The following LYPLA1 variants were observed in gnomAD, a reference collection of about 807,000 sequenced individuals.
LYPLA1 encodes acyl-protein thioesterase 1.
Under a neutral mutation model 34.0 loss-of-function variants are expected in LYPLA1, and 17 were observed. The observed-to-expected ratio is 0.50, with a 90% CI of 0.34 to 0.75. The LOEUF is 0.75. Among genes scored for constraint, LYPLA1 ranks in the 30% least tolerant of loss-of-function variants. LYPLA1 has a pLI of 0.01. For synonymous variants in LYPLA1, 98 were observed against 100.8 expected (o/e 0.97, Z 0.17); for missense variants, 203 against 288.8 (o/e 0.70, Z 2.15).
intron 2 of LYPLA1, chr8:54,100,118 A>G (rs1045479246): frequency 1.3e-5 from 2 of 152,326 alleles, no homozygotes; most frequent in Admixed American, 6.5e-5. Flanking sequence ...GATTATCACC[A>G]ATTTAAATAT....
At chr8:54,099,669 C>G (rs1336081922) in intron 2 of LYPLA1, among the ~76,000 whole-genome samples, 1 of 151,870 alleles carries the variant, frequency 6.6e-6, no homozygotes, top group Non-Finnish European at 1.5e-5. Context: ...TCCAAACAAA[C>G]AAACAAAAAT....
chr8:54,098,318 G>C (rs1296797026), intron 2 of LYPLA1, among the ~76,000 whole-genome samples: 1 of 152,100 alleles, frequency 6.6e-6, no homozygotes, highest in East Asian at 1.9e-4. Flanking sequence ...GCATGGATAC[G>C]CTAGGTAAAG....
intron 2 of LYPLA1, among the ~76,000 whole-genome samples, chr8:54,089,206 T>A (rs1356209660): frequency 6.6e-6 from 1 of 152,248 alleles, no homozygotes; most frequent in South Asian, 2.1e-4. Flanking sequence ...GTTTTTGGTA[T>A]GTGAATTATA....
chr8:54,080,397 C>T (rs1464053905), intron 2 of LYPLA1, among the ~76,000 whole-genome samples: 1 of 152,068 alleles, frequency 6.6e-6, no homozygotes, highest in Admixed American at 6.6e-5. Flanking sequence ...TTATTAGAGT[C>T]CAAAATAAAA....
intron 2 of LYPLA1, among the ~76,000 whole-genome samples, chr8:54,087,456 C>T (rs371008152): frequency 4.6e-5 from 7 of 152,172 alleles, no homozygotes; most frequent in South Asian, 2.1e-4. Context: ...GCCGAGATCA[C>T]GCCACTATAT....
intron 5 of LYPLA1, among the ~76,000 whole-genome samples, chr8:54,058,632 C>G (rs1254944420): frequency 6.6e-6 from 1 of 152,080 alleles, no homozygotes; most frequent in Non-Finnish European, 1.5e-5. Context: ...CTCTCTCTCT[C>G]TCTCAAAACA....
At chr8:54,090,218 C>T (rs767132067) in intron 2 of LYPLA1, among the ~76,000 whole-genome samples, 2 of 152,202 alleles carry the variant, frequency 1.3e-5, no homozygotes, top group Non-Finnish European at 1.5e-5. Context: ...TGCCACGGTT[C>T]TTCTAGGCCT....
downstream of LYPLA1, chr8:54,046,293 A>G (rs1172376854): frequency 6.6e-6 from 1 of 152,350 alleles, no homozygotes; most frequent in Non-Finnish European, 1.5e-5. Flanking sequence ...TTTTAAGTAC[A>G]TTGTTATTTT....
chr8:54,082,011 T>C (rs1252791794), intron 2 of LYPLA1, among the ~76,000 whole-genome samples: 1 of 152,188 alleles, frequency 6.6e-6, no homozygotes, highest in African/African-American at 2.4e-5. Flanking sequence ...ATTACAGGCA[T>C]GAGCCACCGC....
chr8:54,057,604 TA>T (rs1300343100), intron 5 of LYPLA1, among the ~76,000 whole-genome samples: 1 of 152,170 alleles, frequency 6.6e-6, no homozygotes, highest in Non-Finnish European at 1.5e-5. Context: ...TTGTGGGATC[TA>T]AAACTAACTG....
At chr8:54,093,558 C>T (rs1312361197) in intron 2 of LYPLA1, among the ~76,000 whole-genome samples, 1 of 151,992 alleles carries the variant, frequency 6.6e-6, no homozygotes, top group Non-Finnish European at 1.5e-5. Context: ...GGACTTTTGG[C>T]CTGTTTAACT....
chr8:54,099,568 T>C (rs1254522816), intron 2 of LYPLA1, among the ~76,000 whole-genome samples: 3 of 152,112 alleles, frequency 2.0e-5, no homozygotes, highest in Non-Finnish European at 4.4e-5. Flanking sequence ...TCCCAGCTAC[T>C]CGGGAGACCC....
chr8:54,049,888 G>C (rs1179233974), intron 8 of LYPLA1, among the ~76,000 whole-genome samples: 2 of 152,126 alleles, frequency 1.3e-5, no homozygotes, highest in Non-Finnish European at 2.9e-5. Context: ...GTCACAGGTG[G>C]CTTAATATTG....
chr8:54,053,220 G>A (rs1209669715), intron 6 of LYPLA1: 2 of 185,230 alleles, frequency 1.1e-5, no homozygotes, highest in Non-Finnish European at 2.3e-5. Context: ...TCAGCCTCCC[G>A]AGTAGCTGGG....
chr8:54,081,236 T>TA (rs1382202292), intron 2 of LYPLA1, among the ~76,000 whole-genome samples: 1 of 152,160 alleles, frequency 6.6e-6, no homozygotes, highest in African/African-American at 2.4e-5. Flanking sequence ...GCTCTGCCCC[T>TA]ATTTGTGCTC....
intron 2 of LYPLA1, among the ~76,000 whole-genome samples, chr8:54,080,650 T>C (rs1808244899): frequency 6.6e-6 from 1 of 152,092 alleles, no homozygotes; most frequent in Non-Finnish European, 1.5e-5. Flanking sequence ...TGCAGTGGGG[T>C]GATCTCGGTT....
At chr8:54,079,059 C>T (rs1005105113) in intron 2 of LYPLA1, among the ~76,000 whole-genome samples, 2 of 152,116 alleles carry the variant, frequency 1.3e-5, no homozygotes, top group African/African-American at 4.8e-5. Flanking sequence ...CTCACTGCAA[C>T]CTCCGACTCC....
intron 2 of LYPLA1, among the ~76,000 whole-genome samples, chr8:54,067,825 A>ATGT (rs1179521459): frequency 1.7e-4 from 26 of 151,052 alleles, no homozygotes; most frequent in African/African-American, 5.8e-4. Flanking sequence ...CCTCCCGAGT[A>ATGT]GGCGCCCGCC....
At chr8:54,061,887 C>T (rs903070439) in intron 5 of LYPLA1, among the ~76,000 whole-genome samples, 1 of 152,116 alleles carries the variant, frequency 6.6e-6, no homozygotes. Flanking sequence ...TGAAGTTTTG[C>T]TCTGGTTGCC....
Sources: allele counts gnomAD v4.1 joint callset (sites outside exome capture counted in the v4.1 genomes callset), GRCh38; gene constraint gnomAD v4.1.1; transcripts MANE v1.5; gene names NCBI Gene and HGNC (gene_info 2026-07-23, HGNC 2026-07-21).